Variants in NLRP13 observed in about 807,000 individuals in gnomAD.
The protein encoded by NLRP13 is NLR family pyrin domain containing 13, also known as NACHT, LRR and PYD domains-containing protein 13.
NLRP13 carries 82 observed loss-of-function variants against 94.4 expected under a neutral mutation model. The ratio of observed to expected loss-of-function variants is 0.87; its 90% CI spans 0.73 to 1.04. NLRP13 has a LOEUF of 1.04. Ranked by LOEUF, NLRP13 falls within the 50% of genes least tolerant of loss-of-function variation. The probability of loss-of-function intolerance (pLI) is 0.00; values close to 1 mark genes in which losing one functional copy is unlikely to be tolerated. For missense variants in NLRP13, 1,426 were observed against 1,230.8 expected, an observed-to-expected ratio of 1.16 and a Z score of -2.37; for synonymous variants, 553 against 464.7, an observed-to-expected ratio of 1.19 and a Z score of -2.45.
chr19:55,922,024 G>C (rs306511), intron 4 of NLRP13, among the ~76,000 whole-genome samples: 53,007 of 152,074 alleles, frequency 0.35, 10,125 homozygotes, highest in Non-Finnish European at 0.45. Flanking sequence ...GGGAGGCCTC[G>C]CAATCATGGC....
At chr19:55,915,014 T>C (rs2123128851) in intron 4 of NLRP13, among the ~76,000 whole-genome samples, 1 of 152,104 alleles carries the variant, frequency 6.6e-6, no homozygotes, top group East Asian at 1.9e-4. Flanking sequence ...AAGAAGAGAA[T>C]AAAGTGGTGA....
chr19:55,927,703 C>T (rs1043729793), intron 1 of NLRP13, among the ~76,000 whole-genome samples: 3 of 152,162 alleles, frequency 2.0e-5, no homozygotes, highest in Admixed American at 6.5e-5. Context: ...AACTAACATG[C>T]AAGTTCCTAC....
chr19:55,902,293 C>A, intron 8 of NLRP13, 88 bp from the exon 9 acceptor site: 2 of 1,008,802 alleles, frequency 2.0e-6, no homozygotes, highest in South Asian at 1.9e-5. Flanking sequence ...CCCCTCCGAG[C>A]CTACACATGC....
rs201349874 is a variant in NLRP13, at chr19:55,932,170, G to A, written c.142C>T (p.Pro48Ser). 5.5e-5 allele frequency: 89 copies of A among 1,614,124 alleles called. No homozygotes were observed. In the East Asian group the frequency reaches 1.9e-3, roughly 35 times the overall value. ...GGGATACGCGGGAAGTGCCCCTGGG[G>A]GGCCGACCAGAAGTCCATCAGCTGC... ...PQQLMDFWSA[P>S]QGHFPRIPWA... The change falls in exon 1 of 11, where the codon CCC (proline) becomes TCC (serine). Residue 48 changes from proline to serine, a missense_variant. Transcript: ENST00000342929.
intron 10 of NLRP13, among the ~76,000 whole-genome samples, chr19:55,898,197 T>G (rs1285825852): frequency 1.9e-5 from 1 of 53,976 alleles, no homozygotes; most frequent in East Asian, 2.3e-3. Context: ...CAGGAGAGTT[T>G]TTGTTTTTGT....
At chr19:55,922,964 TG>T (rs1406699637) in intron 4 of NLRP13, among the ~76,000 whole-genome samples, 1 of 152,230 alleles carries the variant, frequency 6.6e-6, no homozygotes, top group Non-Finnish European at 1.5e-5. Flanking sequence ...AAGAGCTGGC[TG>T]GGAGGATTGA....
At chr19:55,913,863 A>G (rs1483828571) in intron 4 of NLRP13, among the ~76,000 whole-genome samples, 1 of 151,908 alleles carries the variant, frequency 6.6e-6, no homozygotes, top group Non-Finnish European at 1.5e-5. Context: ...AGCACCCCAA[A>G]GACACCTTCT....
rs147494043 is a variant in NLRP13, at chr19:55,920,235, A to G, written c.523+3679T>C. 5.8e-4 allele frequency among the ~76,000 whole-genome samples: 88 copies of G among 152,308 alleles called. 1 individual carries two copies. In the East Asian group the frequency reaches 0.016, roughly 28 times the overall value. ...TGAAACTGTAAAAATCCTAGAAGAAAATGTAGGGAAAAGTTTTCTGGACAT... is the reference window on the plus strand; with the variant it reads ...TGAAACTGTAAAAATCCTAGAAGAAGATGTAGGGAAAAGTTTTCTGGACAT... On this transcript the variant is annotated intron_variant, in intron 4 of 10. Transcript: ENST00000342929.
At chr19:55,908,547 CAAAG>C (rs1346065913) in intron 6 of NLRP13, among the ~76,000 whole-genome samples, 2 of 151,698 alleles carry the variant, frequency 1.3e-5, no homozygotes, top group African/African-American at 2.4e-5. Flanking sequence ...ATGGACCAAA[CAAAG>C]AAAATGTGGC....
chr19:55,905,464 CACATATATACATAT>C (rs1362089757), intron 7 of NLRP13, among the ~76,000 whole-genome samples: 1 of 118,546 alleles, frequency 8.4e-6, no homozygotes, highest in Admixed American at 8.5e-5. Flanking sequence ...CATATATACA[CACATATATACATAT>C]ATATATACAC....
intron 10 of NLRP13, among the ~76,000 whole-genome samples, chr19:55,898,544 C>T (rs1044374407): frequency 2.6e-5 from 4 of 152,084 alleles, no homozygotes; most frequent in African/African-American, 9.7e-5. Flanking sequence ...GGGGTTTCCC[C>T]ATGTTGGTCA....
At chr19:55,904,423 G>T (rs543824906) in intron 8 of NLRP13, among the ~76,000 whole-genome samples, 1 of 152,042 alleles carries the variant, frequency 6.6e-6, no homozygotes, top group East Asian at 1.9e-4. Context: ...TTCCTTCTCC[G>T]CATACGGCTG....
downstream of NLRP13, chr19:55,895,858 G>A: frequency 2.1e-6 from 3 of 1,439,094 alleles, no homozygotes; most frequent in South Asian, 1.3e-5. Context: ...GAAGCCGAGT[G>A]CAATGGAAAC....
At chr19:55,894,255 T>G (rs1209706910), downstream of NLRP13, among the ~76,000 whole-genome samples, 1 of 152,120 alleles carries the variant, frequency 6.6e-6, no homozygotes, top group Non-Finnish European at 1.5e-5. Context: ...TTGCCCATGC[T>G]GGTCTTGAAC....
chr19:55,928,048 T>TG (rs1987012869), intron 1 of NLRP13, among the ~76,000 whole-genome samples: 1 of 152,196 alleles, frequency 6.6e-6, no homozygotes, highest in Non-Finnish European at 1.5e-5. Flanking sequence ...AAGAACCACC[T>TG]GATCCAACTG....
At chr19:55,903,547 C>T (rs372342856) in intron 8 of NLRP13, among the ~76,000 whole-genome samples, 34 of 152,102 alleles carry the variant, frequency 2.2e-4, no homozygotes, top group African/African-American at 6.8e-4. Flanking sequence ...TCTAGATTCC[C>T]GCAGTCCTGC....
chr19:55,932,315 G>A lies in NLRP13; in HGVS notation c.-4C>T, dbSNP rs747388018. 1.3e-6 allele frequency: 2 copies of A among 1,599,632 alleles called. No individual in the cohort carries two copies. The highest frequency in any genetic ancestry group is 4.5e-5 in the East Asian group (2 of 44,832). ...AGGTGATTACAGAAAAGTTCATCTTGCCCAACACATGCAGTTTCTCACTTC... is the reference window on the plus strand; with the variant it reads ...AGGTGATTACAGAAAAGTTCATCTTACCCAACACATGCAGTTTCTCACTTC... On this transcript the variant is annotated 5_prime_UTR_variant, in exon 1 of 11. Transcript: ENST00000342929.
At position 55,895,983 on chromosome 19, in the gene NLRP13, A is replaced by G. The variant is rs1480806921; in HGVS notation, c.3094T>C (p.Leu1032=). 2 of 1,614,094 alleles carry G rather than the reference A, an allele frequency of 1.2e-6. No homozygotes were observed. The highest frequency in any genetic ancestry group is 2.7e-5 in the African/African-American group (2 of 75,054). ...TGCAGCCTGCATGTCGACTTTTTCA[A>G]AGCCTTACATAGCATCTTGACACCA... ...TDGVKMLCKA[L]KKSTCRLQKL... is the part of the protein sequence containing the mutation. Residue 1032 remains leucine, a synonymous_variant, in exon 11 of 11, where the codon TTG becomes CTG. Transcript: ENST00000342929.
rs759135578 is a variant in NLRP13, at chr19:55,904,946, GTCTC to G, written c.2610_2613del (p.Glu870AspfsTer27). The G allele has an allele frequency of 1.2e-6, 2 of 1,610,698 alleles. No individual in the cohort carries two copies. The highest frequency in any genetic ancestry group is 2.2e-5 in the South Asian group (2 of 90,826). Reference sequence around the variant, plus strand: ...ATGGAAGTAGGGAAAACTTACTCCAGTCTCTCTAAGGCACACTTGGGGTGAGTCA... The same window carrying G: ...ATGGAAGTAGGGAAAACTTACTCCAGTCTAAGGCACACTTGGGGTGAGTCA... On this transcript the variant is annotated frameshift_variant, in exon 8 of 11. Coordinates refer to ENST00000342929, the MANE Select transcript of NLRP13 (RefSeq NM_176810.2). LOFTEE classifies it high-confidence loss of function.
Sources: allele counts gnomAD v4.1 joint callset (sites outside exome capture counted in the v4.1 genomes callset), GRCh38; gene constraint gnomAD v4.1.1; transcripts MANE v1.5; gene names NCBI Gene and HGNC (gene_info 2026-07-23, HGNC 2026-07-21).